Variants in ACAN observed in about 807,000 individuals in gnomAD.
ACAN encodes the protein aggrecan core protein.
Under a neutral mutation model 169.1 loss-of-function variants are expected in ACAN, and 47 were observed. The ratio of observed to expected loss-of-function variants is 0.28; its 90% confidence interval spans 0.22 to 0.35. The LOEUF is 0.35. Ranked by LOEUF, ACAN falls within the 10% of genes least tolerant of loss-of-function variation. The pLI, the probability that ACAN is intolerant of heterozygous loss-of-function variation, is 1.00. For synonymous variants in ACAN, 1,115 were observed against 1,112.2 expected, an observed-to-expected ratio of 1.00 and a Z score of -0.05; for missense variants, 2,716 against 2,759.9, an observed-to-expected ratio of 0.98 and a Z score of 0.36.
At chr15:88,804,183 C>A (rs919536986) in intron 1 of ACAN, among the ~76,000 whole-genome samples, 1 of 152,176 alleles carries the variant, frequency 6.6e-6, no homozygotes, top group South Asian at 2.1e-4. Flanking sequence ...GGGTTCAAAT[C>A]CCCGAGGTGC....
At chr15:88,805,962 G>C (rs80220821) in intron 1 of ACAN, among the ~76,000 whole-genome samples, 2,438 of 152,176 alleles carry the variant, frequency 0.016, 64 homozygotes, top group African/African-American at 0.055. Context: ...TCCCCAATTA[G>C]AGAGGGAGCT....
intron 1 of ACAN, among the ~76,000 whole-genome samples, chr15:88,824,828 A>C (rs552278967): frequency 3.2e-4 from 48 of 152,092 alleles, no homozygotes; most frequent in African/African-American, 1.2e-3. Context: ...GCAGTGAGCC[A>C]AGATCTGACA....
chr15:88,871,232 C>A lies in ACAN; in HGVS notation c.7061-150C>A. 2 of 1,148,312 alleles carry A rather than the reference C, an allele frequency of 1.7e-6. No individual in the cohort carries two copies. Among genetic ancestry groups the A allele is most frequent in the Non-Finnish European group, 2.4e-6 (2 of 818,904 alleles). The allele number at this position is 1,148,312 out of a possible 1,614,324, so 71.1% of individuals were successfully genotyped here. On this transcript the variant is annotated intron_variant, in intron 14 of 18. Coordinates refer to ENST00000560601, the MANE Select transcript of ACAN (RefSeq NM_001369268.1). This position sits in a 1 kb window ranked among gnomAD's most constrained non-coding sequence, Gnocchi z 7.8. ...CCCAGGGACCAGACCAGTTTCCAAC[C>A]TGAACTCCTCCAGCTGTGCCTCTCC...
rs1326588949 is a variant in ACAN at position 88,873,937 on chromosome 15, A to C, written c.7543A>C (p.Thr2515Pro). The C allele has an allele frequency of 6.2e-7, 1 of 1,613,678 alleles. No homozygotes were observed. The change falls in exon 18 of 19, where the codon ACA becomes CCA. Residue 2515 changes from threonine to proline, a missense_variant. Transcript: ENST00000560601. The surrounding 1 kb of genome is among the most constrained non-coding windows in gnomAD (Gnocchi z 7.5). ...CAATTCCCTGGTGCGGTACCAGTGC[A>C]CAGAGGGGTTTGTCCAGCGCCACAT... ...EINSLVRYQCTEGFVQRHMPT... is the reference protein window; with the variant it reads ...EINSLVRYQCPEGFVQRHMPT...
intron 5 of ACAN, among the ~76,000 whole-genome samples, chr15:88,842,844 A>C (rs1454266984): frequency 6.6e-6 from 1 of 152,132 alleles, no homozygotes; most frequent in Non-Finnish European, 1.5e-5. Flanking sequence ...GATTTTGGGA[A>C]ATTTTTTTTA....
chr15:88,858,999 A>G lies in ACAN; in HGVS notation c.6414A>G (p.Glu2138=). 2 of 1,613,920 alleles carry G rather than the reference A, an allele frequency of 1.2e-6. 1 individual carries two copies. Among genetic ancestry groups the G allele is most frequent in the South Asian group, 2.2e-5 (2 of 91,070 alleles). Residue 2138 remains glutamate, a synonymous_variant, in exon 12 of 19, where the codon GAA becomes GAG. Transcript: ENST00000560601. The surrounding 1 kb of genome is among the most constrained non-coding windows in gnomAD (Gnocchi z 4.0). ...GTGAAACCACCTCTGCATTCCACGA[A>G]GCTAACCTTGAGAGATCCTCTGGCC... ...DLSETTSAFH[E]ANLERSSGLG...
chr15:88,841,069 C>T (rs989202229), intron 4 of ACAN, among the ~76,000 whole-genome samples: 6 of 152,188 alleles, frequency 3.9e-5, no homozygotes, highest in Non-Finnish European at 7.4e-5. Context: ...GGCGTGAACC[C>T]GGGAGGTGGA....
chr15:88,868,113 G>C lies in ACAN; in HGVS notation c.6947-103G>C. 1 of 636,872 alleles carries C rather than the reference G, an allele frequency of 1.6e-6. No homozygotes were observed. Among genetic ancestry groups the C allele is most frequent in the African/African-American group, 1.8e-5 (1 of 55,392 alleles). The allele number at this position is 636,872 out of a possible 1,614,324, so 39.5% of individuals were successfully genotyped here. A position where few individuals can be genotyped will look rare whatever the true frequency, so the allele number is the denominator to read the frequency against. On this transcript the variant is annotated intron_variant, in intron 13 of 18. Coordinates refer to ENST00000560601, the MANE Select transcript of ACAN (RefSeq NM_001369268.1). This position sits in a 1 kb window ranked among gnomAD's most constrained non-coding sequence, Gnocchi z 5.2. Reference sequence around the variant, plus strand: ...GAAAACCAGCCAGTTCCCTCCCAGGGGTCTGGAGAGCAGCAGGACTGGCCA... The same window carrying C: ...GAAAACCAGCCAGTTCCCTCCCAGGCGTCTGGAGAGCAGCAGGACTGGCCA...
In ACAN at chr15:88,839,939, C is replaced by T; in HGVS notation, c.455-73C>T. ...GGTCCCTTTGACTATTGCCATAATT[C>T]TGCGAGGGCCTCGGTGATCAGAGAC... On this transcript the variant is annotated intron_variant, in intron 3 of 18. Transcript: ENST00000560601. This position sits in a 1 kb window ranked among gnomAD's most constrained non-coding sequence, Gnocchi z 4.5. 6.6e-7 allele frequency: 1 copy of T among 1,524,114 alleles called. No individual in the cohort carries two copies. Among genetic ancestry groups the T allele is most frequent in the Non-Finnish European group, 8.9e-7 (1 of 1,125,974 alleles). 94.4% of individuals were successfully genotyped at this position (1,524,114 alleles called of 1,614,324 possible). A position where few individuals can be genotyped will look rare whatever the true frequency, so the allele number is the denominator to read the frequency against.
In ACAN at chr15:88,845,708, A is replaced by C. The variant is rs757403740; in HGVS notation, c.1255A>C (p.Thr419Pro). 37 of 1,613,854 alleles carry C rather than the reference A, an allele frequency of 2.3e-5. 1 individual carries two copies. Among genetic ancestry groups the C allele is most frequent in the Non-Finnish European group, 2.6e-5 (31 of 1,179,886 alleles). Residue 419 changes from threonine (T) to proline (P), a missense_variant, in exon 7 of 19, where the codon ACG becomes CCG. Thr to Pro is a conservative substitution (Grantham distance 38). Transcript: ENST00000560601. ...TCCCCTGGAACCCGAGGAGCCCTTC[A>C]CGTTTGCCCCTGAAATAGGGGCCAC... ...PSPLEPEEPF[T>P]FAPEIGATAF...
Position 88,858,733 on chromosome 15 carries a change from A to G in ACAN, c.6148A>G (p.Ile2050Val), listed in dbSNP as rs980418524. The stretch of plus-strand genomic sequence containing the variant: ...CGTGGAGGGTGTTACTGAACCAACT[A>G]TTTCTCAGGAACTAGGCCAAAGGCC... ...EFVEGVTEPT[I>V]SQELGQRPPV... The change falls in exon 12 of 19, where the codon ATT becomes GTT. Residue 2050 changes from isoleucine (I) to valine (V), a missense_variant. By Grantham distance (29) the Ile-to-Val change is conservative. Coordinates refer to ENST00000560601, the MANE Select transcript of ACAN (RefSeq NM_001369268.1). The surrounding 1 kb of genome is among the most constrained non-coding windows in gnomAD (Gnocchi z 4.0). 1.2e-5 allele frequency: 20 copies of G among 1,613,748 alleles called. No individual in the cohort carries two copies. The highest frequency in any genetic ancestry group is 2.2e-5 in the East Asian group (1 of 44,880).
intron 12 of ACAN, among the ~76,000 whole-genome samples, chr15:88,860,049 A>G (rs559083038): frequency 6.9e-6 from 1 of 144,414 alleles, no homozygotes; most frequent in African/African-American, 2.7e-5. Flanking sequence ...GGCAGCGGGC[A>G]CTGGTAGCGG....
intron 1 of ACAN, among the ~76,000 whole-genome samples, chr15:88,824,472 C>T (rs1335647557): frequency 3.3e-5 from 5 of 152,108 alleles, no homozygotes; most frequent in South Asian, 2.1e-4. Context: ...TTCTAGGCAC[C>T]GGAAATACAG....
intron 1 of ACAN, among the ~76,000 whole-genome samples, chr15:88,810,990 C>G (rs1895806549): frequency 6.6e-6 from 1 of 152,192 alleles, no homozygotes; most frequent in South Asian, 2.1e-4. Context: ...AGCCACTGCC[C>G]CCAGTTTGTC....
chr15:88,854,943 A>G lies in ACAN; in HGVS notation c.2358A>G (p.Glu786=). 1 of 1,595,292 alleles carries G rather than the reference A, an allele frequency of 6.3e-7. No individual in the cohort carries two copies. The change falls in exon 12 of 19, where the codon GAA becomes GAG. Residue 786 remains glutamate (E), a synonymous_variant. Transcript: ENST00000560601. ...SATEVPSASE[E]PSPSEVPFPS... ...CTGAAGTGCCCTCTGCCTCAGAGGAACCATCCCCCTCAGAGGTGCCATTCC... is the reference window on the plus strand; with the variant it reads ...CTGAAGTGCCCTCTGCCTCAGAGGAGCCATCCCCCTCAGAGGTGCCATTCC...
In ACAN at chr15:88,858,761, C is replaced by T. The variant is rs373173874; in HGVS notation, c.6176C>T (p.Pro2059Leu). ...TCTCAGGAACTAGGCCAAAGGCCCC[C>T]TGTGACACACACACCCCAGCTTTTT... is the stretch of plus-strand genomic sequence containing the variant. ...TISQELGQRP[P>L]VTHTPQLFES... is the part of the protein sequence containing the mutation. Residue 2059 changes from proline to leucine, a missense_variant, in exon 12 of 19, where the codon CCT (proline) becomes CTT (leucine). Physicochemically the swap from Pro to Leu is moderately conservative, Grantham distance 98. Coordinates refer to ENST00000560601, the MANE Select transcript of ACAN (RefSeq NM_001369268.1). The surrounding 1 kb of genome is among the most constrained non-coding windows in gnomAD (Gnocchi z 4.0). 2.8e-5 allele frequency: 45 copies of T among 1,613,818 alleles called. No individual in the cohort carries two copies. Among genetic ancestry groups the T allele is most frequent in the Non-Finnish European group, 3.6e-5 (42 of 1,179,890 alleles).
chr15:88,847,460 G>A (rs1440429927), intron 8 of ACAN, 43 bp downstream of exon 8: 3 of 1,506,870 alleles, frequency 2.0e-6, no homozygotes, highest in African/African-American at 1.4e-5. Flanking sequence ...AATTGAAGAG[G>A]TCAGGCTTAA....
intron 12 of ACAN, among the ~76,000 whole-genome samples, chr15:88,859,828 C>T (rs1465378611): frequency 2.0e-5 from 3 of 152,234 alleles, no homozygotes; most frequent in East Asian, 1.9e-4. Flanking sequence ...CACCCTGCCC[C>T]GGAGTGAGTG....
intron 11 of ACAN, among the ~76,000 whole-genome samples, chr15:88,853,598 A>T (rs924649804): frequency 1.3e-5 from 2 of 152,164 alleles, no homozygotes; most frequent in African/African-American, 4.8e-5. Context: ...AGATGGTGCC[A>T]CCGCACTGCA....
Sources: allele counts gnomAD v4.1 joint callset (sites outside exome capture counted in the v4.1 genomes callset), GRCh38; gene constraint gnomAD v4.1.1; non-coding constraint Gnocchi (gnomAD v3.1); transcripts MANE v1.5; gene names NCBI Gene and HGNC (gene_info 2026-07-23, HGNC 2026-07-21).